The following TGFA variants were observed in gnomAD, a reference collection of about 807,000 sequenced individuals.
The protein encoded by TGFA is transforming growth factor alpha, also known as protransforming growth factor alpha.
TGFA carries 12 observed loss-of-function variants against 21.7 expected under a neutral mutation model. The observed-to-expected ratio is 0.55, with a 90% CI of 0.35 to 0.90. TGFA has a LOEUF of 0.90. Ranked by LOEUF, TGFA falls within the 40% of genes least tolerant of loss-of-function variation. The pLI is 0.01. For missense variants in TGFA, 178 were observed against 210.8 expected (o/e 0.84, Z 0.96); for synonymous variants, 79 against 88.1 (o/e 0.90, Z 0.58).
At chr2:70,549,310 C>A (rs1364370497) in intron 1 of TGFA, among the ~76,000 whole-genome samples, 2 of 152,194 alleles carry the variant, frequency 1.3e-5, no homozygotes, top group Non-Finnish European at 2.9e-5. Context: ...CATTTACAAG[C>A]GTCTGAACGT....
At chr2:70,509,666 C>T (rs999300887) in intron 2 of TGFA, among the ~76,000 whole-genome samples, 3 of 152,126 alleles carry the variant, frequency 2.0e-5, no homozygotes, top group Non-Finnish European at 4.4e-5. Context: ...TTTAAAGTGC[C>T]GCCCTGAGTA....
chr2:70,477,725 C>A (rs1239185275), intron 2 of TGFA, among the ~76,000 whole-genome samples: 6 of 152,140 alleles, frequency 3.9e-5, no homozygotes, highest in African/African-American at 1.4e-4. Flanking sequence ...GAGGCTCCTG[C>A]AGGACATGGA....
chr2:70,472,311 G>C (rs1198618061), intron 2 of TGFA, among the ~76,000 whole-genome samples: 1 of 152,196 alleles, frequency 6.6e-6, no homozygotes, highest in African/African-American at 2.4e-5. Flanking sequence ...AAATGTTCCA[G>C]GTTTTGGAAC....
At chr2:70,483,262 G>A (rs1371243673) in intron 2 of TGFA, among the ~76,000 whole-genome samples, 1 of 152,196 alleles carries the variant, frequency 6.6e-6, no homozygotes, top group Non-Finnish European at 1.5e-5. Flanking sequence ...TTGGTCTAAT[G>A]TTTTCCTGGG....
rs112107973 is a variant in TGFA at position 70,547,545 on chromosome 2, GAAA to G, written c.40+6180_40+6182del. On this transcript the variant is annotated intron_variant, in intron 1 of 5. Coordinates refer to ENST00000295400, the MANE Select transcript of TGFA (RefSeq NM_003236.4). ...GCAACAGAGCGAGCCTCCATCTCAAGAAAAAAAAAAAAAAACATGAAAAACAAA... is the reference window on the plus strand; with the variant it reads ...GCAACAGAGCGAGCCTCCATCTCAAGAAAAAAAAAAAACATGAAAAACAAA... Among the ~76,000 whole-genome samples, 30 of 135,950 alleles carry G rather than the reference GAAA, an allele frequency of 2.2e-4. 1 individual carries two copies. Among genetic ancestry groups the G allele is most frequent in the African/African-American group, 7.2e-4 (26 of 36,232 alleles). The allele number at this position is 135,950 out of a possible 152,430, so 89.2% of individuals were successfully genotyped here. A position where few individuals can be genotyped will look rare whatever the true frequency, so the allele number is the denominator to read the frequency against.
intron 1 of TGFA, among the ~76,000 whole-genome samples, chr2:70,529,597 C>CA (rs1327404176): frequency 6.6e-6 from 1 of 151,678 alleles, no homozygotes; most frequent in African/African-American, 2.4e-5. Flanking sequence ...ATCCCCCCGC[C>CA]CCAGTCCTAG....
chr2:70,490,854 G>A (rs782623040), intron 2 of TGFA, among the ~76,000 whole-genome samples: 27 of 152,092 alleles, frequency 1.8e-4, no homozygotes, highest in South Asian at 4.1e-4. Context: ...CCTGGAGTCC[G>A]CTTACAAAAC....
chr2:70,519,234 C>T (rs868929004), intron 1 of TGFA, among the ~76,000 whole-genome samples: 17 of 152,144 alleles, frequency 1.1e-4, no homozygotes, highest in East Asian at 3.9e-4. Context: ...GTTAGTGGTA[C>T]GTAGACGGTG....
chr2:70,500,173 T>C (rs1553498925), intron 2 of TGFA, among the ~76,000 whole-genome samples: 2 of 152,206 alleles, frequency 1.3e-5, no homozygotes, highest in Non-Finnish European at 2.9e-5. Flanking sequence ...GGCTGCCATA[T>C]TGGACGATGC....
intron 1 of TGFA, among the ~76,000 whole-genome samples, chr2:70,516,655 C>T (rs1553501626): frequency 6.6e-6 from 1 of 152,134 alleles, no homozygotes; most frequent in Admixed American, 6.5e-5. Context: ...CCTCTGTCAC[C>T]CACACACCAG....
At chr2:70,477,478 C>T (rs1483903071) in intron 2 of TGFA, among the ~76,000 whole-genome samples, 1 of 152,170 alleles carries the variant, frequency 6.6e-6, no homozygotes, top group Non-Finnish European at 1.5e-5. Context: ...AGGGAATATG[C>T]AAAAGATAAA....
At chr2:70,473,174 G>T (rs1056133472) in intron 2 of TGFA, among the ~76,000 whole-genome samples, 3 of 152,160 alleles carry the variant, frequency 2.0e-5, no homozygotes, top group Non-Finnish European at 4.4e-5. Flanking sequence ...CAGGGCAGCA[G>T]CAGGCCCAGT....
At chr2:70,520,823 A>G (rs559964626) in intron 1 of TGFA, among the ~76,000 whole-genome samples, 1 of 152,066 alleles carries the variant, frequency 6.6e-6, no homozygotes, top group Admixed American at 6.5e-5. Context: ...ACCACTCTCC[A>G]CAAGGCCTGT....
In TGFA at chr2:70,476,562, A is replaced by T. The variant is rs1381535804; in HGVS notation, c.95-10826T>A. Reference sequence around the variant, plus strand: ...ACTCTCAATCCACCCTTAGGAAAAAATGCTTCCTCTTGTTGAGTCTTTGAA... The same window carrying T: ...ACTCTCAATCCACCCTTAGGAAAAATTGCTTCCTCTTGTTGAGTCTTTGAA... On this transcript the variant is annotated intron_variant, in intron 2 of 5. Coordinates refer to ENST00000295400, the MANE Select transcript of TGFA (RefSeq NM_003236.4). Among the ~76,000 whole-genome samples, 2 of 152,220 alleles carry T rather than the reference A, an allele frequency of 1.3e-5. 1 individual carries two copies. The highest frequency in any genetic ancestry group is 4.1e-4 in the South Asian group (2 of 4,830).
intron 2 of TGFA, among the ~76,000 whole-genome samples, chr2:70,479,160 C>A (rs1028859185): frequency 2.0e-5 from 3 of 152,168 alleles, no homozygotes; most frequent in African/African-American, 7.2e-5. Context: ...ATTATATCCT[C>A]CCCATTTGGG....
chr2:70,450,952 T>G, intron 5 of TGFA, 86 bp from the exon 6 acceptor site: 1 of 1,504,906 alleles, frequency 6.6e-7, no homozygotes. Flanking sequence ...GACTTGGAGA[T>G]GGCAGAGCCA....
rs1669996983 is a variant in TGFA at position 70,449,857 on chromosome 2, T to C, written c.*1002A>G. On this transcript the variant is annotated 3_prime_UTR_variant, in exon 6 of 6. Coordinates refer to ENST00000295400, the MANE Select transcript of TGFA (RefSeq NM_003236.4). ...GGGCTCACGAGGAAGTGAACCCATT[T>C]AATCACTGAGCAGTACAATATGTAT... 5.6e-6 allele frequency: 1 copy of C among 177,240 alleles called. No homozygotes were observed. The highest frequency in any genetic ancestry group is 1.2e-5 in the Non-Finnish European group (1 of 82,816). 11.0% of individuals were successfully genotyped at this position (177,240 alleles called of 1,614,324 possible).
At chr2:70,543,801 A>C (rs1673207859) in intron 1 of TGFA, among the ~76,000 whole-genome samples, 1 of 152,200 alleles carries the variant, frequency 6.6e-6, no homozygotes, top group Non-Finnish European at 1.5e-5. Context: ...AACTAGCAGA[A>C]CACAAAAAAG....
intron 2 of TGFA, among the ~76,000 whole-genome samples, chr2:70,493,078 TATTG>T (rs781901500): frequency 1.3e-5 from 2 of 152,294 alleles, no homozygotes; most frequent in South Asian, 4.1e-4. Context: ...TGGTAATGAA[TATTG>T]ATTATGGTTC....
Sources: gnomAD v4.1 joint callset for allele counts (sites outside exome capture counted in the v4.1 genomes callset) on GRCh38, gnomAD v4.1.1 for gene constraint, MANE v1.5 for transcripts, NCBI Gene and HGNC (gene_info 2026-07-23, HGNC 2026-07-21) for gene names.